Variants in AGBL4 observed in about 807,000 individuals in gnomAD.
AGBL4 encodes AGBL carboxypeptidase 4, also known as cytosolic carboxypeptidase 6.
In AGBL4, 58 loss-of-function variants were observed where a neutral mutation model predicts 66.4. That is an observed-to-expected ratio of 0.87 (90% CI 0.71 to 1.09). AGBL4 has a LOEUF of 1.09. Ranked by LOEUF, AGBL4 falls within the 50% of genes least tolerant of loss-of-function variation. The pLI is 0.00. For synonymous variants in AGBL4, 234 were observed against 222.9 expected (o/e 1.05, Z -0.44); for missense variants, 579 against 631.0 (o/e 0.92, Z 0.88).
intron 3 of AGBL4, among the ~76,000 whole-genome samples, chr1:49,381,797 G>A (rs1644617910): frequency 7.0e-6 from 1 of 142,602 alleles, no homozygotes; most frequent in Admixed American, 7.6e-5. Flanking sequence ...ATTGAACAAT[G>A]AGAACACATG....
At chr1:49,464,590 GTTCTT>G (rs1207777413) in intron 3 of AGBL4, among the ~76,000 whole-genome samples, 1 of 151,728 alleles carries the variant, frequency 6.6e-6, no homozygotes, top group Admixed American at 6.6e-5. Flanking sequence ...GCATTAGTGT[GTTCTT>G]TTGTTTTTAG....
At position 49,929,459 on chromosome 1, in the gene AGBL4, A is replaced by T. The variant is rs145953451; in HGVS notation, c.35-77941T>A. 3.4e-3 allele frequency among the ~76,000 whole-genome samples: 511 copies of T among 152,296 alleles called. 5 individuals are homozygous for T. The highest frequency in any genetic ancestry group is 0.012 in the African/African-American group (494 of 41,572). ...ATTTTTAAAGTAGTGAAAGAAAAAA[A>T]TAAAAACTAGAATTATTTATCCAGT... On this transcript the variant is annotated intron_variant, in intron 1 of 13. Coordinates refer to ENST00000371839, the MANE Select transcript of AGBL4 (RefSeq NM_032785.4).
chr1:49,268,603 T>A (rs1258273712), intron 3 of AGBL4, among the ~76,000 whole-genome samples: 1 of 152,110 alleles, frequency 6.6e-6, no homozygotes, highest in Non-Finnish European at 1.5e-5. Flanking sequence ...GCCTTCCTTT[T>A]AAAAATTTCT....
At chr1:49,714,569 C>CATATATATATATATATATATATATATAT (rs60965691) in intron 2 of AGBL4, among the ~76,000 whole-genome samples, 1 of 141,846 alleles carries the variant, frequency 7.0e-6, no homozygotes, top group African/African-American at 2.7e-5. Flanking sequence ...GTAGTATTTA[C>CATATATATATATATATATATATATATAT]ATATATATAT....
chr1:49,303,084 C>T (rs761624740), intron 3 of AGBL4, among the ~76,000 whole-genome samples: 1 of 152,078 alleles, frequency 6.6e-6, no homozygotes, highest in Non-Finnish European at 1.5e-5. Flanking sequence ...GTTGATTCTA[C>T]ATCTTTGCTA....
At chr1:49,733,288 C>A (rs1241201634) in intron 2 of AGBL4, among the ~76,000 whole-genome samples, 1 of 152,154 alleles carries the variant, frequency 6.6e-6, no homozygotes, top group African/African-American at 2.4e-5. Flanking sequence ...ATAAGAAAGT[C>A]TTTCAAGTGA....
intron 9 of AGBL4, among the ~76,000 whole-genome samples, chr1:48,599,383 C>T (rs995369056): frequency 4.6e-5 from 7 of 152,176 alleles, no homozygotes; most frequent in South Asian, 2.1e-4. Context: ...GGTTGGTTTA[C>T]CCCAGCATCA....
chr1:49,877,864 A>T (rs568316220), intron 1 of AGBL4, among the ~76,000 whole-genome samples: 2 of 151,974 alleles, frequency 1.3e-5, no homozygotes, highest in Non-Finnish European at 2.9e-5. Context: ...TCAGAGATTC[A>T]ACTTCTTCCT....
intron 3 of AGBL4, among the ~76,000 whole-genome samples, chr1:49,677,681 A>G (rs991149535): frequency 1.3e-5 from 2 of 152,086 alleles, no homozygotes; most frequent in Admixed American, 6.6e-5. Context: ...GACCCCCAAA[A>G]TTAGTATTTT....
At chr1:48,758,911 C>T (rs1388977229) in intron 6 of AGBL4, 1 of 1,526,260 alleles carries the variant, frequency 6.6e-7, no homozygotes, top group Non-Finnish European at 8.8e-7. Flanking sequence ...GCTGCCAAGC[C>T]GCAGGAGCAG....
chr1:49,321,287 T>G (rs777223938), intron 3 of AGBL4, among the ~76,000 whole-genome samples: 1 of 152,110 alleles, frequency 6.6e-6, no homozygotes, highest in Non-Finnish European at 1.5e-5. Context: ...CAGTAAGCAC[T>G]CAAAAAATAT....
At position 49,262,352 on chromosome 1, in the gene AGBL4, T is replaced by A. The variant is rs867421335; in HGVS notation, c.283-16488A>T. Among the ~76,000 whole-genome samples the A allele has an allele frequency of 1.7e-3, 264 of 152,104 alleles. 10 individuals carry two copies. In the South Asian group the frequency reaches 0.054, roughly 31 times the overall value. Reference sequence around the variant, plus strand: ...CTTCTGCACAGCAAAAGAAACTACCTTCACAGTGAACAGGCAACCTACAAA... The same window carrying A: ...CTTCTGCACAGCAAAAGAAACTACCATCACAGTGAACAGGCAACCTACAAA... On this transcript the variant is annotated intron_variant, in intron 3 of 13. Coordinates refer to ENST00000371839, the MANE Select transcript of AGBL4 (RefSeq NM_032785.4).
At chr1:49,452,067 G>A (rs1460432050) in intron 3 of AGBL4, among the ~76,000 whole-genome samples, 6 of 151,668 alleles carry the variant, frequency 4.0e-5, no homozygotes, top group African/African-American at 1.5e-4. Context: ...GTTTCCACCA[G>A]GACCTCCCTC....
At chr1:49,633,467 T>C (rs1263120531) in intron 3 of AGBL4, among the ~76,000 whole-genome samples, 1 of 152,110 alleles carries the variant, frequency 6.6e-6, no homozygotes, top group East Asian at 1.9e-4. Context: ...AAAGATATAA[T>C]ACAGTAAAGA....
intron 5 of AGBL4, among the ~76,000 whole-genome samples, chr1:49,026,066 C>A (rs1663655802): frequency 6.6e-6 from 1 of 152,108 alleles, no homozygotes; most frequent in South Asian, 2.1e-4. Flanking sequence ...TCATTGCCCC[C>A]ATAAGATCTG....
Position 49,074,349 on chromosome 1 carries a change from G to A in AGBL4, c.378-28549C>T, listed in dbSNP as rs1255278142. Among the ~76,000 whole-genome samples the A allele has an allele frequency of 5.3e-5, 8 of 152,302 alleles. No homozygotes were observed. In the South Asian group the frequency reaches 8.3e-4, roughly 16 times the overall value. On this transcript the variant is annotated intron_variant, in intron 4 of 13. Coordinates refer to ENST00000371839, the MANE Select transcript of AGBL4 (RefSeq NM_032785.4). ...AATCCCCTGACCCCTTGCACTTCCCGGGTGAGGCGACACCCTGCCCTGCTT... is the reference window on the plus strand; with the variant it reads ...AATCCCCTGACCCCTTGCACTTCCCAGGTGAGGCGACACCCTGCCCTGCTT...
chr1:49,887,318 G>A (rs1648171925), intron 1 of AGBL4, among the ~76,000 whole-genome samples: 1 of 151,416 alleles, frequency 6.6e-6, no homozygotes, highest in Non-Finnish European at 1.5e-5. Context: ...GTTAGGAAGG[G>A]GAGAAGGAAG....
chr1:49,230,903 C>T (rs1024611218), intron 4 of AGBL4, among the ~76,000 whole-genome samples: 1 of 152,060 alleles, frequency 6.6e-6, no homozygotes, highest in African/African-American at 2.4e-5. Context: ...TATACTTGAT[C>T]ATAAGCCAAA....
chr1:50,005,124 C>T (rs1427610359), intron 1 of AGBL4, among the ~76,000 whole-genome samples: 2 of 152,052 alleles, frequency 1.3e-5, no homozygotes, highest in African/African-American at 4.8e-5. Context: ...GATTGTAGAG[C>T]CTTAGGGACT....
Sources: allele counts gnomAD v4.1 joint callset (sites outside exome capture counted in the v4.1 genomes callset), GRCh38; gene constraint gnomAD v4.1.1; transcripts MANE v1.5; gene names NCBI Gene and HGNC (gene_info 2026-07-23, HGNC 2026-07-21).